Variants in RAB3GAP1 observed in about 807,000 individuals in gnomAD.
RAB3GAP1 encodes the protein RAB3 GTPase activating protein catalytic subunit 1.
RAB3GAP1 carries 86 observed loss-of-function variants against 130.7 expected under a neutral mutation model. That is an observed-to-expected ratio of 0.66 (90% CI 0.55 to 0.79). The LOEUF (loss-of-function observed/expected upper bound fraction) is 0.79, where lower values mean the gene tolerates loss of function less well. Among genes scored for constraint, RAB3GAP1 ranks in the 30% least tolerant of loss-of-function variants. The probability of loss-of-function intolerance (pLI) is 0.00; values close to 1 mark genes in which losing one functional copy is unlikely to be tolerated. For synonymous variants in RAB3GAP1, 367 were observed against 401.7 expected, an observed-to-expected ratio of 0.91 and a Z score of 1.03; for missense variants, 1,029 against 1,169.4, an observed-to-expected ratio of 0.88 and a Z score of 1.75.
chr2:135,130,097 A>C lies in RAB3GAP1; in HGVS notation c.1066+10A>C. On this transcript the variant is annotated intron_variant, in intron 12 of 23. Transcript: ENST00000264158. ...GAGGAAGAAGGCAAAGGTAACCTAC[A>C]TTTTTTTTTAACATTACTTTCAAAT... 6.3e-7 allele frequency: 1 copy of C among 1,578,502 alleles called. No individual in the cohort carries two copies.
chr2:135,100,610 TA>T (rs1187738954), intron 5 of RAB3GAP1, among the ~76,000 whole-genome samples: 3 of 152,244 alleles, frequency 2.0e-5, no homozygotes, highest in Non-Finnish European at 4.4e-5. Context: ...TGACCTTTCT[TA>T]AAGTTTAGGA....
At chr2:135,072,308 G>A (rs1558762237) in intron 3 of RAB3GAP1, among the ~76,000 whole-genome samples, 1 of 152,206 alleles carries the variant, frequency 6.6e-6, no homozygotes. Flanking sequence ...ATTCATAAAA[G>A]TAGCAGGCAT....
chr2:135,112,229 GC>G (rs1208086930), intron 5 of RAB3GAP1, among the ~76,000 whole-genome samples: 2 of 152,186 alleles, frequency 1.3e-5, no homozygotes, highest in Admixed American at 6.5e-5. Flanking sequence ...AGCCGATACT[GC>G]CTTCCACAAG....
chr2:135,150,230 T>C (rs957501559), intron 17 of RAB3GAP1, 139 bp from the exon 18 acceptor site: 13 of 1,004,030 alleles, frequency 1.3e-5, no homozygotes, highest in Non-Finnish European at 1.8e-5. Context: ...CTAAAAAACT[T>C]ATGCATTTCT....
At chr2:135,085,502 A>G (rs1282027380) in intron 3 of RAB3GAP1, among the ~76,000 whole-genome samples, 2 of 152,220 alleles carry the variant, frequency 1.3e-5, no homozygotes, top group East Asian at 1.9e-4. Flanking sequence ...TAATTAAGGC[A>G]GTGATCTTTA....
intron 5 of RAB3GAP1, among the ~76,000 whole-genome samples, chr2:135,109,553 C>T (rs1690734770): frequency 6.6e-6 from 1 of 151,378 alleles, no homozygotes; most frequent in Non-Finnish European, 1.5e-5. Flanking sequence ...TATATTCTTC[C>T]CTTTTGCTCT....
At chr2:135,058,895 A>G (rs2104823176) in intron 3 of RAB3GAP1, 1 of 152,284 alleles carries the variant, frequency 6.6e-6, no homozygotes, top group Non-Finnish European at 1.5e-5. Flanking sequence ...CTCAGTAATT[A>G]TTAATTCAAT....
chr2:135,126,674 C>G lies in RAB3GAP1; in HGVS notation c.973+18C>G, dbSNP rs946593562. ...TTTGCTAGGTAAGGTATATTATGCT[C>G]CTTTCCTGAAATACTGCTGATCTGC... is the stretch of plus-strand genomic sequence containing the variant. On this transcript the variant is annotated intron_variant, in intron 11 of 23. Transcript: ENST00000264158. The G allele has an allele frequency of 6.3e-7, 1 of 1,585,694 alleles. No homozygotes were observed. Among genetic ancestry groups the G allele is most frequent in the African/African-American group, 1.3e-5 (1 of 74,300 alleles).
chr2:135,160,833 A>G (rs1204017316), intron 19 of RAB3GAP1, among the ~76,000 whole-genome samples: 5 of 152,066 alleles, frequency 3.3e-5, no homozygotes, highest in Non-Finnish European at 7.4e-5. Context: ...AATATTTTTA[A>G]TTTTAGGAAA....
At chr2:135,081,986 A>T (rs1482768023) in intron 3 of RAB3GAP1, among the ~76,000 whole-genome samples, 1 of 151,992 alleles carries the variant, frequency 6.6e-6, no homozygotes, top group Non-Finnish European at 1.5e-5. Context: ...TACTAAAAAT[A>T]CAAAAATTAG....
At chr2:135,162,921 C>T (rs777390047) in intron 21 of RAB3GAP1, 65 bp from the exon 22 acceptor site, 46 of 1,568,126 alleles carry the variant, frequency 2.9e-5, no homozygotes, top group Non-Finnish European at 3.8e-5. Context: ...TTTTAAGATG[C>T]GTTTTCAAAG....
At chr2:135,083,017 A>G (rs2104862391) in intron 3 of RAB3GAP1, among the ~76,000 whole-genome samples, 1 of 152,292 alleles carries the variant, frequency 6.6e-6, no homozygotes, top group African/African-American at 2.4e-5. Flanking sequence ...TAAATGTTGT[A>G]TAAATAGTAG....
chr2:135,126,493 C>A, intron 10 of RAB3GAP1, 90 bp from the exon 11 acceptor site: 2 of 1,249,426 alleles, frequency 1.6e-6, no homozygotes, highest in Non-Finnish European at 2.3e-6. Context: ...GCTTGTCCTT[C>A]TATGTTTTCA....
At chr2:135,117,582 G>GCTTCTTCTTCTGCTT (rs1558784403) in intron 7 of RAB3GAP1, among the ~76,000 whole-genome samples, 8,588 of 60,208 alleles carry the variant, frequency 0.14, 757 homozygotes, top group African/African-American at 0.26. Context: ...TTCTTCTTCT[G>GCTTCTTCTTCTGCTT]CTTCTTCTTC....
intron 3 of RAB3GAP1, chr2:135,059,056 A>G (rs1250851465): frequency 2.0e-5 from 3 of 152,118 alleles, no homozygotes; most frequent in African/African-American, 7.2e-5. Flanking sequence ...CTGTCTCTTA[A>G]GGAAAAAAAA....
chr2:135,155,189 G>T (rs987400354), intron 19 of RAB3GAP1, among the ~76,000 whole-genome samples: 1 of 151,830 alleles, frequency 6.6e-6, no homozygotes, highest in Admixed American at 6.6e-5. Flanking sequence ...ACCCCACAAA[G>T]AAATGAAACC....
At chr2:135,164,185 A>G (rs1401718411) in intron 22 of RAB3GAP1, among the ~76,000 whole-genome samples, 1 of 152,242 alleles carries the variant, frequency 6.6e-6, no homozygotes, top group Admixed American at 6.5e-5. Flanking sequence ...GTGCACACAC[A>G]GACACATACC....
At chr2:135,099,221 T>C (rs1054557106) in intron 5 of RAB3GAP1, among the ~76,000 whole-genome samples, 2 of 152,200 alleles carry the variant, frequency 1.3e-5, no homozygotes, top group African/African-American at 4.8e-5. Context: ...TGTTCCTGCT[T>C]TGCTGAGAGT....
intron 13 of RAB3GAP1, among the ~76,000 whole-genome samples, chr2:135,131,311 C>T (rs1013009418): frequency 1.3e-5 from 2 of 152,122 alleles, no homozygotes; most frequent in Non-Finnish European, 2.9e-5. Flanking sequence ...CTGCAACCTC[C>T]ACCTCCTGGG....
Sources: gnomAD v4.1 joint callset for allele counts (sites outside exome capture counted in the v4.1 genomes callset) on GRCh38, gnomAD v4.1.1 for gene constraint, MANE v1.5 for transcripts, NCBI Gene and HGNC (gene_info 2026-07-23, HGNC 2026-07-21) for gene names.